The following HSPA12A variants were observed in gnomAD, a reference collection of about 807,000 sequenced individuals.
The protein encoded by HSPA12A is heat shock protein family A (Hsp70) member 12A.
Under a neutral mutation model 69.2 loss-of-function variants are expected in HSPA12A, and 28 were observed. The ratio of observed to expected loss-of-function variants is 0.40; its 90% CI spans 0.30 to 0.55. The LOEUF is 0.55. HSPA12A is among the 20% of genes least tolerant of loss of function. The pLI is 0.38. For missense variants in HSPA12A, 686 were observed against 900.7 expected, an observed-to-expected ratio of 0.76 and a Z score of 3.05; for synonymous variants, 345 against 370.5, an observed-to-expected ratio of 0.93 and a Z score of 0.79.
At chr10:116,832,179 T>G (rs1286824382) in intron 2 of HSPA12A, 1 of 151,942 alleles carries the variant, frequency 6.6e-6, no homozygotes, top group Admixed American at 6.6e-5. Context: ...TTTTTTTGGT[T>G]TTTTTTTGAG....
chr10:116,822,976 T>C (rs1806981797), intron 2 of HSPA12A, among the ~76,000 whole-genome samples: 1 of 152,212 alleles, frequency 6.6e-6, no homozygotes, highest in Non-Finnish European at 1.5e-5. Context: ...TGAGGGGCTT[T>C]TGTTGACATG....
chr10:116,733,229 A>G (rs1028070889), intron 1 of HSPA12A, among the ~76,000 whole-genome samples: 2 of 152,208 alleles, frequency 1.3e-5, no homozygotes, highest in Non-Finnish European at 2.9e-5. Context: ...ATGGTCACTA[A>G]GGGACAATGA....
intron 1 of HSPA12A, among the ~76,000 whole-genome samples, chr10:116,711,262 T>C (rs945722094): frequency 1.4e-4 from 21 of 152,224 alleles, no homozygotes; most frequent in Middle Eastern, 3.4e-3. Flanking sequence ...ACCCAGGGGA[T>C]AGTCCAGTTC....
intron 2 of HSPA12A, among the ~76,000 whole-genome samples, chr10:116,792,759 C>A (rs1178890111): frequency 6.6e-6 from 1 of 151,184 alleles, no homozygotes; most frequent in East Asian, 1.9e-4. Context: ...TAACTGCACT[C>A]CAGCCTGGGT....
chr10:116,715,933 G>A (rs1461191525), intron 1 of HSPA12A, among the ~76,000 whole-genome samples: 1 of 152,230 alleles, frequency 6.6e-6, no homozygotes, highest in African/African-American at 2.4e-5. Flanking sequence ...GCTGAGGCTG[G>A]TCGGCCCAGT....
At chr10:116,841,030 A>T (rs1268774317) in intron 1 of HSPA12A, among the ~76,000 whole-genome samples, 1 of 152,030 alleles carries the variant, frequency 6.6e-6, no homozygotes, top group African/African-American at 2.4e-5. Flanking sequence ...ATCTCTAGGC[A>T]CACACACACA....
At chr10:116,769,099 T>A (rs1844142304) in intron 2 of HSPA12A, among the ~76,000 whole-genome samples, 1 of 152,156 alleles carries the variant, frequency 6.6e-6, no homozygotes, top group Non-Finnish European at 1.5e-5. Context: ...GACCATTCAA[T>A]ACCTCTGTCC....
intron 2 of HSPA12A, among the ~76,000 whole-genome samples, chr10:116,768,621 C>T (rs1844132034): frequency 6.6e-6 from 1 of 152,110 alleles, no homozygotes; most frequent in Non-Finnish European, 1.5e-5. Flanking sequence ...TCAAGTGAAC[C>T]TCCTGTCTCA....
intron 1 of HSPA12A, among the ~76,000 whole-genome samples, chr10:116,731,760 C>A (rs964760510): frequency 5.9e-5 from 9 of 152,168 alleles, no homozygotes; most frequent in African/African-American, 1.7e-4. Flanking sequence ...TATCGTGCCC[C>A]CTAACTCCCC....
At chr10:116,727,136 C>T (rs1850992332) in intron 1 of HSPA12A, among the ~76,000 whole-genome samples, 2 of 152,222 alleles carry the variant, frequency 1.3e-5, no homozygotes, top group Admixed American at 1.3e-4. Context: ...TATCAGTTAT[C>T]TATTGTAATC....
intron 2 of HSPA12A, among the ~76,000 whole-genome samples, chr10:116,749,540 T>C (rs2133083451): frequency 6.6e-6 from 1 of 152,344 alleles, no homozygotes; most frequent in East Asian, 1.9e-4. Flanking sequence ...CTGTCATGCC[T>C]TCATCTGTGT....
chr10:116,675,131 C>T lies in HSPA12A; in HGVS notation c.1678G>A (p.Gly560Ser), dbSNP rs1554877398. The change falls in exon 12 of 12, where the codon GGC becomes AGC. Residue 560 changes from glycine (G) to serine (S), a missense_variant. Transcript: ENST00000369209. The surrounding 1 kb of genome is among the most constrained non-coding windows in gnomAD (Gnocchi z 5.2). ...HPPEKLLVKD[G>S]TRWCTDVFDK... ...AAGACGTCGGTGCACCACCGAGTGC[C>T]ATCCTTCACCAGCAGCTTCTCAGGC... 1.1e-5 allele frequency: 17 copies of T among 1,613,902 alleles called. No homozygotes were observed. The highest frequency in any genetic ancestry group is 5.5e-5 in the South Asian group (5 of 91,086).
chr10:116,713,700 G>A (rs1227953222), intron 1 of HSPA12A, among the ~76,000 whole-genome samples: 1 of 152,162 alleles, frequency 6.6e-6, no homozygotes, highest in African/African-American at 2.4e-5. Flanking sequence ...GCATTGGTCC[G>A]TGGGCCTCCA....
intron 1 of HSPA12A, among the ~76,000 whole-genome samples, chr10:116,841,381 C>A (rs1003653481): frequency 2.2e-4 from 33 of 152,256 alleles, no homozygotes; most frequent in African/African-American, 7.9e-4. Flanking sequence ...GAAACAGATG[C>A]TGATCATCAG....
intron 2 of HSPA12A, among the ~76,000 whole-genome samples, chr10:116,798,176 C>T (rs1371692600): frequency 4.9e-5 from 1 of 20,230 alleles, no homozygotes; most frequent in African/African-American, 1.9e-4. Context: ...AGGGGCGGGG[C>T]GGTGGGGCGG....
chr10:116,712,133 C>G (rs1442871570), intron 1 of HSPA12A, among the ~76,000 whole-genome samples: 1 of 152,160 alleles, frequency 6.6e-6, no homozygotes, highest in South Asian at 2.1e-4. Context: ...CATCATGTCT[C>G]CTTTGCTATT....
At chr10:116,796,163 A>AAAAAAAAAAAAAAG (rs1414051045) in intron 2 of HSPA12A, among the ~76,000 whole-genome samples, 7 of 138,878 alleles carry the variant, frequency 5.0e-5, no homozygotes, top group African/African-American at 1.6e-4. Flanking sequence ...AAAAAAAAAA[A>AAAAAAAAAAAAAAG]AAAGAAAGAA....
chr10:116,690,619 A>G (rs1168018066), intron 6 of HSPA12A, among the ~76,000 whole-genome samples: 1 of 152,138 alleles, frequency 6.6e-6, no homozygotes, highest in Non-Finnish European at 1.5e-5. Context: ...ATCTGTCCTC[A>G]CCCAAGAGCT....
intron 2 of HSPA12A, among the ~76,000 whole-genome samples, chr10:116,769,409 T>C (rs1485076457): frequency 6.6e-6 from 1 of 152,200 alleles, no homozygotes. Flanking sequence ...GGCTCTCCAA[T>C]GTAGACCCCT....
Sources: allele counts gnomAD v4.1 joint callset (sites outside exome capture counted in the v4.1 genomes callset), GRCh38; gene constraint gnomAD v4.1.1; non-coding constraint Gnocchi (gnomAD v3.1); transcripts MANE v1.5; gene names NCBI Gene and HGNC (gene_info 2026-07-23, HGNC 2026-07-21).